Variants in SLC35G1 observed in about 807,000 individuals in gnomAD.
SLC35G1 encodes the protein partner of STIM1.
Under a neutral mutation model 17.1 loss-of-function variants are expected in SLC35G1, and 10 were observed. The observed-to-expected ratio is 0.59, with a 90% confidence interval of 0.36 to 0.99. The LOEUF is 0.99. Among genes scored for constraint, SLC35G1 ranks in the 50% least tolerant of loss-of-function variants. The probability of loss-of-function intolerance (pLI) is 0.01; values close to 1 mark genes in which losing one functional copy is unlikely to be tolerated. For missense variants in SLC35G1, 433 were observed against 468.4 expected, an observed-to-expected ratio of 0.92 and a Z score of 0.70; for synonymous variants, 185 against 181.1, an observed-to-expected ratio of 1.02 and a Z score of -0.18.
chr10:93,904,721 C>T (rs2060417550), downstream of SLC35G1, among the ~76,000 whole-genome samples: 1 of 152,194 alleles, frequency 6.6e-6, no homozygotes, highest in South Asian at 2.1e-4. Flanking sequence ...ACCTAATGCA[C>T]CTGAGCCTGT....
chr10:93,897,259 G>A (rs58377488), intron 1 of SLC35G1, among the ~76,000 whole-genome samples: 2 of 152,192 alleles, frequency 1.3e-5, no homozygotes, highest in Non-Finnish European at 2.9e-5. Context: ...CTGTGCATCA[G>A]CATACTTTGG....
At position 93,903,550 on chromosome 10, in the gene SLC35G1, C is replaced by T. The variant is rs956676784; in HGVS notation, c.*2060C>T. ...TCAGTGGCACCTAGAAAGTTAAATCCCTTTAGGCCCATACACTAGAGACAT... is the reference window on the plus strand; with the variant it reads ...TCAGTGGCACCTAGAAAGTTAAATCTCTTTAGGCCCATACACTAGAGACAT... On this transcript the variant is annotated 3_prime_UTR_variant, in exon 3 of 3. Transcript: ENST00000427197. 7 of 152,106 alleles carry T rather than the reference C, an allele frequency of 4.6e-5. No individual in the cohort carries two copies. The highest frequency in any genetic ancestry group is 7.2e-5 in the African/African-American group (3 of 41,422). The allele number at this position is 152,106 out of a possible 1,614,324, so 9.4% of individuals were successfully genotyped here.
At position 93,901,197 on chromosome 10, in the gene SLC35G1, A is replaced by G. The variant is rs1394806570; in HGVS notation, c.805A>G (p.Ile269Val). Reference protein sequence around the residue: ...VVLGLVESVIILSVLGEWSLP... With the variant: ...VVLGLVESVIVLSVLGEWSLP... ...ACTTGGCCTCGTTGAAAGTGTCATC[A>G]TCCTCTCTGTATTAGGAGAGTGGAG... The change falls in exon 3 of 3, where the codon ATC (isoleucine) becomes GTC (valine). Residue 269 changes from isoleucine (I) to valine (V), a missense_variant. By Grantham distance (29) the Ile-to-Val change is conservative (BLOSUM62 3). Transcript: ENST00000427197. 2.4e-5 allele frequency: 39 copies of G among 1,613,998 alleles called. No individual in the cohort carries two copies. The Admixed American group carries it at 3.0e-4, about 12-fold the overall frequency.
chr10:93,906,667 A>G (rs12263238), downstream of SLC35G1, among the ~76,000 whole-genome samples: 1 of 152,186 alleles, frequency 6.6e-6, no homozygotes, highest in Non-Finnish European at 1.5e-5. Flanking sequence ...GGACATTTTC[A>G]TGGGGTTTTT....
rs1013872830 is a variant in SLC35G1, at chr10:93,903,690, G to A, written c.*2200G>A. On this transcript the variant is annotated 3_prime_UTR_variant, in exon 3 of 3. Transcript: ENST00000427197. ...GTGATTCTTAAACACAATGTCCAAG[G>A]TGTATACAAGGATATGTATTGTAAC... The A allele has an allele frequency of 2.0e-5, 3 of 152,158 alleles. No homozygotes were observed. In the East Asian group the frequency reaches 5.8e-4, roughly 29 times the overall value. 9.4% of individuals were successfully genotyped at this position (152,158 alleles called of 1,614,324 possible). A position where few individuals can be genotyped will look rare whatever the true frequency, so the allele number is the denominator to read the frequency against.
Position 93,894,021 on chromosome 10 carries a change from C to G in SLC35G1, c.-13C>G, listed in dbSNP as rs545147605. On this transcript the variant is annotated 5_prime_UTR_variant, in exon 1 of 3. Coordinates refer to ENST00000427197, the MANE Select transcript of SLC35G1 (RefSeq NM_001134658.3). ...CAGACGGCACCGGCCGCTGGTAGAG[C>G]GCGTGCCGCGAGATGCGGCCTCAGG... 5 of 1,401,444 alleles carry G rather than the reference C, an allele frequency of 3.6e-6. No homozygotes were observed. The African/African-American group carries it at 7.5e-5, about 21-fold the overall frequency. The allele number at this position is 1,401,444 out of a possible 1,614,324, so 86.8% of individuals were successfully genotyped here.
At chr10:93,904,703 G>T (rs73322344), downstream of SLC35G1, among the ~76,000 whole-genome samples, 3,316 of 152,222 alleles carry the variant, frequency 0.022, 105 homozygotes, top group African/African-American at 0.076. Flanking sequence ...TTTTCAGCTG[G>T]ACAAATCACC....
At position 93,909,323 on chromosome 10, in the gene SLC35G1, C is replaced by G. The variant is rs550350198; in HGVS notation, c.*2345C>G. ...TCTGTCCAACTACAAGCCTGTGCTC[C>G]TGACTCCACTATTCTGCTTACCCTA... On this transcript the variant is annotated 3_prime_UTR_variant and NMD_transcript_variant, in exon 3 of 3. Transcript: ENST00000483386. 6 of 152,222 alleles carry G rather than the reference C, an allele frequency of 3.9e-5. No individual in the cohort carries two copies. The East Asian group carries it at 1.2e-3, about 29-fold the overall frequency. 9.4% of individuals were successfully genotyped at this position (152,222 alleles called of 1,614,324 possible). A position where few individuals can be genotyped will look rare whatever the true frequency, so the allele number is the denominator to read the frequency against.
chr10:93,904,142 TTCTTCTTATTG>T (rs897330473), downstream of SLC35G1, among the ~76,000 whole-genome samples: 9 of 152,202 alleles, frequency 5.9e-5, no homozygotes, highest in East Asian at 1.9e-4. Flanking sequence ...TGAAGAGTCT[TTCTTCTTATTG>T]TCTTCTTATT....
intron 2 of SLC35G1, among the ~76,000 whole-genome samples, chr10:93,899,718 A>G (rs958527905): frequency 6.6e-6 from 1 of 152,200 alleles, no homozygotes; most frequent in Admixed American, 6.5e-5. Context: ...AATTTCTGTC[A>G]ATGCGGACAA....
downstream of SLC35G1, among the ~76,000 whole-genome samples, chr10:93,905,449 A>T (rs1243505961): frequency 6.6e-6 from 1 of 152,172 alleles, no homozygotes. Context: ...ATTCTGCAAG[A>T]TAACCTATCA....
At chr10:93,894,526 G>T (rs2060311480) in intron 1 of SLC35G1, among the ~76,000 whole-genome samples, 1 of 152,108 alleles carries the variant, frequency 6.6e-6, no homozygotes, top group Non-Finnish European at 1.5e-5. Flanking sequence ...CCCCTAGGTC[G>T]TAGGTGGGGG....
At chr10:93,909,470 T>TAA (rs1265100928) in exon 3 of SLC35G1, 5 of 150,782 alleles carry the variant, frequency 3.3e-5, no homozygotes, top group African/African-American at 4.9e-5. Flanking sequence ...AGTGTAAATT[T>TAA]TTTTTTTTAA....
At chr10:93,904,274 A>G (rs1053533880), downstream of SLC35G1, among the ~76,000 whole-genome samples, 2 of 151,816 alleles carry the variant, frequency 1.3e-5, no homozygotes, top group Admixed American at 6.6e-5. Context: ...CTGCTTCAAG[A>G]CTCTTTCTTC....
chr10:93,904,082 G>C (rs1490432449), downstream of SLC35G1, among the ~76,000 whole-genome samples: 1 of 152,166 alleles, frequency 6.6e-6, no homozygotes, highest in Non-Finnish European at 1.5e-5. Flanking sequence ...ACTTAAAGTA[G>C]CTTTGAACTC....
At position 93,900,911 on chromosome 10, in the gene SLC35G1, T is replaced by G. The variant is rs1344325762; in HGVS notation, c.519T>G (p.Phe173Leu). The stretch of plus-strand genomic sequence containing the variant: ...GCAGTCCAGTGTTTACGTCCATATT[T>G]GCTTGGATATGTCTCAAGGAAAAAT... ...TFSSPVFTSI[F>L]AWICLKEKYS... The change falls in exon 3 of 3, where the codon TTT becomes TTG. Residue 173 changes from phenylalanine (F) to leucine (L), a missense_variant. Transcript: ENST00000427197. 6.2e-7 allele frequency: 1 copy of G among 1,614,072 alleles called. No individual in the cohort carries two copies. The highest frequency in any genetic ancestry group is 8.5e-7 in the Non-Finnish European group (1 of 1,179,966).
At position 93,903,619 on chromosome 10, in the gene SLC35G1, A is replaced by G. The variant is rs1022384051; in HGVS notation, c.*2129A>G. On this transcript the variant is annotated 3_prime_UTR_variant, in exon 3 of 3. Coordinates refer to ENST00000427197, the MANE Select transcript of SLC35G1 (RefSeq NM_001134658.3). Reference sequence around the variant, plus strand: ...AGTTTAAGTACTTGAATGTCACACTATATAACTGAGGTTAGAGAAAATGTT... The same window carrying G: ...AGTTTAAGTACTTGAATGTCACACTGTATAACTGAGGTTAGAGAAAATGTT... 6 of 152,228 alleles carry G rather than the reference A, an allele frequency of 3.9e-5. No homozygotes were observed. The highest frequency in any genetic ancestry group is 3.8e-4 in the East Asian group (2 of 5,202). The allele number at this position is 152,228 out of a possible 1,614,324, so 9.4% of individuals were successfully genotyped here. A position where few individuals can be genotyped will look rare whatever the true frequency, so the allele number is the denominator to read the frequency against.
chr10:93,894,362 T>G, intron 1 of SLC35G1, 151 bp downstream of exon 1: 4 of 780,874 alleles, frequency 5.1e-6, no homozygotes, highest in Non-Finnish European at 7.2e-6. Context: ...AGCTGTCAGC[T>G]GGGGGGCTGC....
chr10:93,895,905 G>A (rs1046566772), intron 1 of SLC35G1, among the ~76,000 whole-genome samples: 1 of 152,070 alleles, frequency 6.6e-6, no homozygotes, highest in South Asian at 2.1e-4. Flanking sequence ...GTTAGTGATC[G>A]AGTGTAGCAG....
Sources: gnomAD v4.1 joint callset for allele counts (sites outside exome capture counted in the v4.1 genomes callset) on GRCh38, gnomAD v4.1.1 for gene constraint, MANE v1.5 for transcripts, NCBI Gene and HGNC (gene_info 2026-07-23, HGNC 2026-07-21) for gene names.